ITGA9: variants seen among roughly 807,000 people sequenced by gnomAD.
ITGA9 encodes integrin subunit alpha 9, also known as integrin alpha-9.
Under a neutral mutation model 127.8 loss-of-function variants are expected in ITGA9, and 56 were observed. The ratio of observed to expected loss-of-function variants is 0.44; its 90% confidence interval spans 0.35 to 0.55. The LOEUF is 0.55. Among genes scored for constraint, ITGA9 ranks in the 20% least tolerant of loss-of-function variants. The pLI, the probability that ITGA9 is intolerant of heterozygous loss-of-function variation, is 0.00. For synonymous variants in ITGA9, 508 were observed against 514.5 expected, an observed-to-expected ratio of 0.99 and a Z score of 0.17; for missense variants, 1,196 against 1,347.1, an observed-to-expected ratio of 0.89 and a Z score of 1.76.
intron 15 of ITGA9, among the ~76,000 whole-genome samples, chr3:37,562,183 G>T (rs370159333): frequency 6.6e-6 from 1 of 152,142 alleles, no homozygotes; most frequent in South Asian, 2.1e-4. Flanking sequence ...CCCATCCAGC[G>T]TTGGATGGCA....
chr3:37,721,965 C>T (rs1345530106), intron 18 of ITGA9, among the ~76,000 whole-genome samples: 1 of 152,226 alleles, frequency 6.6e-6, no homozygotes, highest in South Asian at 2.1e-4. Context: ...TATGACTCCC[C>T]TGCTCAGAAC....
At chr3:37,488,499 A>G (rs1426548448) in intron 4 of ITGA9, among the ~76,000 whole-genome samples, 1 of 152,098 alleles carries the variant, frequency 6.6e-6, no homozygotes, top group Non-Finnish European at 1.5e-5. Flanking sequence ...TTTTTTGGTA[A>G]TATTAAAAAA....
intron 18 of ITGA9, among the ~76,000 whole-genome samples, chr3:37,690,806 G>A (rs1192945490): frequency 2.0e-5 from 3 of 152,196 alleles, no homozygotes; most frequent in Non-Finnish European, 4.4e-5. Flanking sequence ...CTTTATTTGG[G>A]AGATGCAAGA....
At chr3:37,666,576 AGCAGG>A (rs902047648) in intron 17 of ITGA9, among the ~76,000 whole-genome samples, 5 of 152,206 alleles carry the variant, frequency 3.3e-5, no homozygotes, top group Admixed American at 3.3e-4. Flanking sequence ...CTCCTCCTCC[AGCAGG>A]CTAGCCCAGG....
intron 4 of ITGA9, among the ~76,000 whole-genome samples, chr3:37,488,361 T>C (rs1370927790): frequency 6.6e-6 from 1 of 152,086 alleles, no homozygotes; most frequent in Non-Finnish European, 1.5e-5. Context: ...ACATAATGCA[T>C]AGTAAGTTGC....
chr3:37,568,208 G>A (rs1045270000), intron 15 of ITGA9, among the ~76,000 whole-genome samples: 1 of 152,260 alleles, frequency 6.6e-6, no homozygotes, highest in African/African-American at 2.4e-5. Flanking sequence ...TGTGCCCTCT[G>A]AAGCAACAGC....
intron 15 of ITGA9, among the ~76,000 whole-genome samples, chr3:37,596,421 C>A (rs1222865576): frequency 6.6e-6 from 1 of 152,088 alleles, no homozygotes; most frequent in Non-Finnish European, 1.5e-5. Flanking sequence ...CGACCTGAGC[C>A]CCTTGGAGGA....
intron 4 of ITGA9, among the ~76,000 whole-genome samples, chr3:37,490,471 AAAAT>A (rs761961432): frequency 6.6e-6 from 1 of 152,236 alleles, no homozygotes; most frequent in Non-Finnish European, 1.5e-5. Context: ...AAATAATTGT[AAAAT>A]TGATGTGTTA....
At chr3:37,760,271 TAAAA>T (rs35166311) in intron 23 of ITGA9, among the ~76,000 whole-genome samples, 1 of 141,860 alleles carries the variant, frequency 7.0e-6, no homozygotes, top group Non-Finnish European at 1.5e-5. Flanking sequence ...TCAATTTAAT[TAAAA>T]AAAAAAAAAG....
At chr3:37,534,953 C>A (rs1699194302) in intron 14 of ITGA9, among the ~76,000 whole-genome samples, 1 of 152,236 alleles carries the variant, frequency 6.6e-6, no homozygotes, top group Admixed American at 6.5e-5. Context: ...ACTCGTGTGT[C>A]CTCCACATAA....
At chr3:37,793,780 C>T (rs149609269) in intron 26 of ITGA9, among the ~76,000 whole-genome samples, 156 of 152,278 alleles carry the variant, frequency 1.0e-3, no homozygotes, top group Middle Eastern at 6.8e-3. Flanking sequence ...ATCTTGACCT[C>T]GGAGTTGGTC....
At chr3:37,499,277 A>C (rs1698764693) in intron 5 of ITGA9, among the ~76,000 whole-genome samples, 1 of 152,186 alleles carries the variant, frequency 6.6e-6, no homozygotes, top group South Asian at 2.1e-4. Flanking sequence ...CTTGGGTGGG[A>C]GTTTGTTCAG....
intron 14 of ITGA9, among the ~76,000 whole-genome samples, chr3:37,536,121 C>G (rs1415752114): frequency 1.3e-5 from 2 of 152,186 alleles, no homozygotes; most frequent in East Asian, 3.9e-4. Flanking sequence ...ATGGGCACTT[C>G]CAGGACACAG....
chr3:37,595,759 C>G (rs1421522259), intron 15 of ITGA9, among the ~76,000 whole-genome samples: 1 of 152,166 alleles, frequency 6.6e-6, no homozygotes, highest in East Asian at 1.9e-4. Context: ...TTCCTGCCAC[C>G]CAGTTTTTAT....
At chr3:37,560,191 A>C (rs1292236130) in intron 15 of ITGA9, among the ~76,000 whole-genome samples, 1 of 151,752 alleles carries the variant, frequency 6.6e-6, no homozygotes, top group African/African-American at 2.4e-5. Context: ...TATGAGTGAG[A>C]ACATGTAGTG....
intron 26 of ITGA9, among the ~76,000 whole-genome samples, chr3:37,801,166 A>T (rs6788165): frequency 0.048 from 7,335 of 152,216 alleles, 237 homozygotes; most frequent in African/African-American, 0.087. Context: ...CTCCGTCTCA[A>T]AAAAAGAAAG....
Position 37,777,522 on chromosome 3 carries a change from G to A in ITGA9, c.2667+5G>A. ...AAGTCTGGAAGAAAAGTCTTGGTAAGGATTTGTTTAGTGGTTGGGGTAACA... is the reference window on the plus strand; with the variant it reads ...AAGTCTGGAAGAAAAGTCTTGGTAAAGATTTGTTTAGTGGTTGGGGTAACA... On this transcript the variant is annotated splice_donor_5th_base_variant and intron_variant, in intron 24 of 27. Coordinates refer to ENST00000264741, the MANE Select transcript of ITGA9 (RefSeq NM_002207.3). 4.3e-6 allele frequency: 7 copies of A among 1,614,098 alleles called. No homozygotes were observed. The highest frequency in any genetic ancestry group is 5.9e-6 in the Non-Finnish European group (7 of 1,179,984).
At chr3:37,752,746 C>A (rs1696603174) in intron 23 of ITGA9, among the ~76,000 whole-genome samples, 1 of 152,238 alleles carries the variant, frequency 6.6e-6, no homozygotes, top group Non-Finnish European at 1.5e-5. Context: ...GGTCCCTGGG[C>A]AGGACCAACC....
chr3:37,745,901 C>A (rs904713906), intron 22 of ITGA9: 1 of 152,244 alleles, frequency 6.6e-6, no homozygotes, highest in African/African-American at 2.4e-5. Flanking sequence ...ATAAACTCCT[C>A]CGTGATCCAT....
Sources: gnomAD v4.1 joint callset for allele counts (sites outside exome capture counted in the v4.1 genomes callset) on GRCh38, gnomAD v4.1.1 for gene constraint, MANE v1.5 for transcripts, NCBI Gene and HGNC (gene_info 2026-07-23, HGNC 2026-07-21) for gene names.